Variants in ZNF362 observed in about 807,000 individuals in gnomAD.
The protein encoded by ZNF362 is rotund homolog.
ZNF362 carries 11 observed loss-of-function variants against 42.9 expected under a neutral mutation model. The ratio of observed to expected loss-of-function variants is 0.26; its 90% CI spans 0.16 to 0.42. The LOEUF (loss-of-function observed/expected upper bound fraction) is 0.42, where lower values mean the gene tolerates loss of function less well. Among genes scored for constraint, ZNF362 ranks in the 20% least tolerant of loss-of-function variants. The probability of loss-of-function intolerance (pLI) is 1.00; values close to 1 mark genes in which losing one functional copy is unlikely to be tolerated. For missense variants in ZNF362, 362 were observed against 576.2 expected (o/e 0.63, Z 3.81); for synonymous variants, 255 against 257.3 (o/e 0.99, Z 0.09).
chr1:33,195,109 T>C, the ZNF362 span: 1 of 152,234 alleles, frequency 6.6e-6, no homozygotes, highest in African/African-American at 2.4e-5. Flanking sequence ...AGCCAATTTC[T>C]CATCAGCAAC....
the ZNF362 span, among the ~76,000 whole-genome samples, chr1:33,238,326 C>CATAAAATAAAATAAATAAA: frequency 1.2e-5 from 1 of 85,178 alleles, no homozygotes; most frequent in Non-Finnish European, 2.4e-5. Context: ...CTCAAAATAA[C>CATAAAATAAAATAAATAAA]ATAAAATAAA....
At chr1:33,241,918 C>T in the ZNF362 span, among the ~76,000 whole-genome samples, 1 of 152,158 alleles carries the variant, frequency 6.6e-6, no homozygotes, top group Non-Finnish European at 1.5e-5. Flanking sequence ...CCCCAACCCC[C>T]AACCCCAAAA....
At chr1:33,264,806 C>A (rs1017877152) in intron 1 of ZNF362, among the ~76,000 whole-genome samples, 2 of 151,936 alleles carry the variant, frequency 1.3e-5, no homozygotes, top group Non-Finnish European at 2.9e-5. Context: ...TCATTCCTGA[C>A]CCCAAACAAA....
the ZNF362 span, among the ~76,000 whole-genome samples, chr1:33,131,604 A>G: frequency 4.3e-4 from 65 of 152,270 alleles, no homozygotes; most frequent in African/African-American, 1.1e-3. Flanking sequence ...ATTGGATAAC[A>G]TTTTGTATGT....
the ZNF362 span, among the ~76,000 whole-genome samples, chr1:33,158,078 C>A: frequency 1.3e-5 from 2 of 152,168 alleles, no homozygotes; most frequent in African/African-American, 4.8e-5. Flanking sequence ...TTATGAAGGT[C>A]CACTGAGCTG....
intron 2 of ZNF362, among the ~76,000 whole-genome samples, chr1:33,271,380 C>T (rs1374332518): frequency 6.6e-6 from 1 of 152,204 alleles, no homozygotes; most frequent in Non-Finnish European, 1.5e-5. Context: ...CCTTTAAGAC[C>T]CAAGGCAGGC....
At chr1:33,233,560 C>T in the ZNF362 span, among the ~76,000 whole-genome samples, 283 of 152,258 alleles carry the variant, frequency 1.9e-3, 3 homozygotes, top group Non-Finnish European at 2.9e-4. Context: ...CATGCCACCA[C>T]GCCCAGCTAA....
intron 1 of ZNF362, among the ~76,000 whole-genome samples, chr1:33,264,205 T>C (rs1363230674): frequency 2.0e-5 from 3 of 152,172 alleles, no homozygotes; most frequent in Non-Finnish European, 4.4e-5. Flanking sequence ...GTCCAGCAGT[T>C]GGCTTTCCTG....
the ZNF362 span, chr1:33,195,257 T>G: frequency 6.6e-6 from 1 of 152,210 alleles, no homozygotes; most frequent in Non-Finnish European, 1.5e-5. Flanking sequence ...AATCTCAGAC[T>G]TTTGCTCAAA....
chr1:33,215,173 T>A, the ZNF362 span, among the ~76,000 whole-genome samples: 36 of 152,272 alleles, frequency 2.4e-4, no homozygotes, highest in Non-Finnish European at 4.3e-4. Context: ...ATAAAAATAA[T>A]TAAATTCTGT....
intron 2 of ZNF362, among the ~76,000 whole-genome samples, chr1:33,271,153 C>T (rs1378139896): frequency 2.0e-5 from 3 of 152,240 alleles, no homozygotes; most frequent in African/African-American, 7.2e-5. Flanking sequence ...TCACCCACTG[C>T]TTCAAGTCTA....
chr1:33,274,124 C>T (rs1049185096), intron 2 of ZNF362, among the ~76,000 whole-genome samples: 2 of 152,140 alleles, frequency 1.3e-5, no homozygotes, highest in Non-Finnish European at 2.9e-5. Flanking sequence ...CCTGTGGGGT[C>T]GCAGCCGTGT....
chr1:33,201,009 T>C, the ZNF362 span, among the ~76,000 whole-genome samples: 1 of 152,110 alleles, frequency 6.6e-6, no homozygotes, highest in Non-Finnish European at 1.5e-5. Context: ...TCAGAAGACA[T>C]CAACCCTGCT....
chr1:33,133,374 C>T, the ZNF362 span, among the ~76,000 whole-genome samples: 1 of 152,178 alleles, frequency 6.6e-6, no homozygotes, highest in Non-Finnish European at 1.5e-5. Flanking sequence ...TCTGATAGGG[C>T]CTTTCCTGGG....
intron 6 of ZNF362, among the ~76,000 whole-genome samples, chr1:33,284,859 C>A (rs999352093): frequency 6.6e-6 from 1 of 152,180 alleles, no homozygotes; most frequent in African/African-American, 2.4e-5. Context: ...AAGTTATCTA[C>A]TTCTGGAGCA....
At chr1:33,220,811 C>T in the ZNF362 span, among the ~76,000 whole-genome samples, 4 of 152,142 alleles carry the variant, frequency 2.6e-5, no homozygotes, top group Non-Finnish European at 4.4e-5. Flanking sequence ...AGCAACCCAG[C>T]GGGTGTGGGT....
chr1:33,184,457 A>G, the ZNF362 span, among the ~76,000 whole-genome samples: 1 of 152,198 alleles, frequency 6.6e-6, no homozygotes, highest in African/African-American at 2.4e-5. Flanking sequence ...CTTGCAGCCG[A>G]GTGAGACTTG....
At position 33,281,535 on chromosome 1, in the gene ZNF362, A is replaced by G. The variant is rs1195872892; in HGVS notation, c.684-52A>G. The stretch of plus-strand genomic sequence containing the variant: ...TCTCTGATGTAGAAGGCCTCCCCTG[A>G]GATGGACAGTCTGGGGGATCTTCCC... On this transcript the variant is annotated intron_variant, in intron 5 of 8. Transcript: ENST00000539719. This position sits in a 1 kb window ranked among gnomAD's most constrained non-coding sequence, Gnocchi z 4.8. The G allele has an allele frequency of 6.3e-7, 1 of 1,583,956 alleles. No individual in the cohort carries two copies. The highest frequency in any genetic ancestry group is 1.7e-5 in the Admixed American group (1 of 59,734).
At chr1:33,191,966 AG>A in the ZNF362 span, among the ~76,000 whole-genome samples, 16 of 152,342 alleles carry the variant, frequency 1.1e-4, no homozygotes, top group African/African-American at 3.1e-4. Context: ...CATAGTTTCC[AG>A]GCAAGAGGAG....
Sources: allele counts gnomAD v4.1 joint callset (sites outside exome capture counted in the v4.1 genomes callset), GRCh38; gene constraint gnomAD v4.1.1; non-coding constraint Gnocchi (gnomAD v3.1); transcripts MANE v1.5; gene names NCBI Gene and HGNC (gene_info 2026-07-23, HGNC 2026-07-21).